The following SYT16 variants were observed in gnomAD, a reference collection of about 807,000 sequenced individuals.
The protein encoded by SYT16 is synaptotagmin-16.
In SYT16, 42 loss-of-function variants were observed where a neutral mutation model predicts 61.4. That is an observed-to-expected ratio of 0.68 (90% CI 0.53 to 0.89). The LOEUF is 0.89. Ranked by LOEUF, SYT16 falls within the 40% of genes least tolerant of loss-of-function variation. The pLI, the probability that SYT16 is intolerant of heterozygous loss-of-function variation, is 0.00. For missense variants in SYT16, 804 were observed against 807.3 expected, an observed-to-expected ratio of 1.00 and a Z score of 0.05; for synonymous variants, 314 against 302.3, an observed-to-expected ratio of 1.04 and a Z score of -0.40.
intron 2 of SYT16, among the ~76,000 whole-genome samples, chr14:61,985,598 C>G (rs1405564211): frequency 2.0e-5 from 3 of 152,112 alleles, no homozygotes; most frequent in African/African-American, 7.2e-5. Flanking sequence ...AGAAGTGAAA[C>G]TGGGAAATAG....
chr14:62,098,023 A>AGTGTTTTCACACCTGAAGT (rs1193518292), intron 7 of SYT16, among the ~76,000 whole-genome samples: 2 of 152,240 alleles, frequency 1.3e-5, no homozygotes, highest in African/African-American at 4.8e-5. Flanking sequence ...GAGACAGAGA[A>AGTGTTTTCACACCTGAAGT]GTGTTTTCAC....
chr14:61,867,969 T>G (rs995591866), intron 1 of SYT16, among the ~76,000 whole-genome samples: 1 of 152,056 alleles, frequency 6.6e-6, no homozygotes, highest in Non-Finnish European at 1.5e-5. Flanking sequence ...TTACATTGAG[T>G]TTTGAATGTT....
intron 3 of SYT16, among the ~76,000 whole-genome samples, chr14:62,049,117 CT>C (rs1177428107): frequency 6.6e-6 from 1 of 152,144 alleles, no homozygotes; most frequent in African/African-American, 2.4e-5. Flanking sequence ...GTCTAAGTCT[CT>C]TTTTATGTCA....
At chr14:62,044,444 C>T (rs2054879275) in intron 3 of SYT16, among the ~76,000 whole-genome samples, 1 of 152,066 alleles carries the variant, frequency 6.6e-6, no homozygotes, top group Admixed American at 6.5e-5. Context: ...AATGTTCTCC[C>T]TCCCCTTGCC....
intron 1 of SYT16, among the ~76,000 whole-genome samples, chr14:61,846,479 C>G (rs1000875995): frequency 1.3e-5 from 2 of 152,096 alleles, no homozygotes; most frequent in African/African-American, 4.8e-5. Flanking sequence ...TATAGTGATT[C>G]CTGCTCTTTT....
intron 1 of SYT16, among the ~76,000 whole-genome samples, chr14:61,932,921 C>T (rs573668998): frequency 6.6e-6 from 1 of 152,262 alleles, no homozygotes; most frequent in African/African-American, 2.4e-5. Flanking sequence ...CTGCCCAGTC[C>T]AGTATAGTTG....
At chr14:61,839,809 A>G (rs1336807062) in intron 1 of SYT16, among the ~76,000 whole-genome samples, 1 of 151,014 alleles carries the variant, frequency 6.6e-6, no homozygotes, top group Non-Finnish European at 1.5e-5. Context: ...GAAATGTGCC[A>G]GTTCCTCAGG....
At chr14:62,038,951 C>T (rs983304139) in intron 3 of SYT16, among the ~76,000 whole-genome samples, 2 of 152,156 alleles carry the variant, frequency 1.3e-5, no homozygotes, top group African/African-American at 2.4e-5. Context: ...TTTTGCTTGT[C>T]ACAACAACTT....
At chr14:62,047,158 G>C (rs1435440976) in intron 3 of SYT16, among the ~76,000 whole-genome samples, 2 of 152,048 alleles carry the variant, frequency 1.3e-5, no homozygotes, top group Non-Finnish European at 2.9e-5. Flanking sequence ...ATTGAGCAGT[G>C]GTTTGTAGTT....
At chr14:62,050,609 A>C (rs1435388945) in intron 3 of SYT16, among the ~76,000 whole-genome samples, 2 of 151,850 alleles carry the variant, frequency 1.3e-5, no homozygotes, top group Non-Finnish European at 2.9e-5. Flanking sequence ...GGTTTTATCT[A>C]CCTTTGGTCT....
intron 2 of SYT16, among the ~76,000 whole-genome samples, chr14:61,985,443 C>A (rs1038425288): frequency 2.0e-5 from 3 of 152,100 alleles, no homozygotes; most frequent in Admixed American, 6.6e-5. Context: ...GAATGGTTTT[C>A]TGCCTATCAA....
chr14:62,030,633 G>A (rs1035109867), intron 3 of SYT16, among the ~76,000 whole-genome samples: 1 of 152,178 alleles, frequency 6.6e-6, no homozygotes, highest in Non-Finnish European at 1.5e-5. Flanking sequence ...ATGTAGCTCT[G>A]ATCAGTCTGC....
intron 1 of SYT16, among the ~76,000 whole-genome samples, chr14:61,921,574 A>G (rs2049336247): frequency 6.6e-6 from 1 of 152,208 alleles, no homozygotes; most frequent in Non-Finnish European, 1.5e-5. Flanking sequence ...TTAGAGGTCT[A>G]TATTCCATAT....
intron 3 of SYT16, among the ~76,000 whole-genome samples, chr14:62,017,687 C>T (rs895264791): frequency 2.0e-5 from 3 of 151,636 alleles, no homozygotes; most frequent in African/African-American, 7.3e-5. Context: ...TCACTGCTAT[C>T]GTGGTGCTTT....
At chr14:62,021,188 A>G (rs1223981660) in intron 3 of SYT16, among the ~76,000 whole-genome samples, 2 of 152,194 alleles carry the variant, frequency 1.3e-5, no homozygotes, top group African/African-American at 4.8e-5. Context: ...TTTTACGGTC[A>G]CAATCACTCC....
chr14:61,814,873 G>GT lies in SYT16; in HGVS notation c.-325+2066dup, dbSNP rs1375910202. ...AAAATTTCCCGCAAAGCTTGACCATGTTTGCAGCCCGAAGTCCTACAACCT... is the reference window on the plus strand; with the variant it reads ...AAAATTTCCCGCAAAGCTTGACCATGTTTTGCAGCCCGAAGTCCTACAACCT... On this transcript the variant is annotated intron_variant, in intron 1 of 7. Coordinates refer to ENST00000683842, the MANE Select transcript of SYT16 (RefSeq NM_001367656.1). Among the ~76,000 whole-genome samples, 18 of 152,314 alleles carry GT rather than the reference G, an allele frequency of 1.2e-4. No homozygotes were observed. The South Asian group carries it at 3.7e-3, about 32-fold the overall frequency.
At position 61,999,072 on chromosome 14, in the gene SYT16, C is replaced by T. The variant is rs981883824; in HGVS notation, c.523+2530C>T. ...GTTAGTCTTTGCTAAAGATTTTTTT[C>T]CATTTTTTTTTTAGGGATATTGGTC... On this transcript the variant is annotated intron_variant, in intron 3 of 7. Transcript: ENST00000683842. Among the ~76,000 whole-genome samples the T allele has an allele frequency of 5.3e-5, 8 of 151,232 alleles. No homozygotes were observed. In the South Asian group the frequency reaches 1.7e-3, roughly 32 times the overall value.
intron 3 of SYT16, among the ~76,000 whole-genome samples, chr14:62,020,312 CTG>C (rs2053861391): frequency 6.6e-6 from 1 of 152,120 alleles, no homozygotes; most frequent in African/African-American, 2.4e-5. Flanking sequence ...AAGTTTACTA[CTG>C]TGTGTGTATA....
intron 3 of SYT16, among the ~76,000 whole-genome samples, chr14:62,042,743 T>C (rs1399994370): frequency 2.0e-5 from 3 of 152,240 alleles, no homozygotes; most frequent in Non-Finnish European, 4.4e-5. Flanking sequence ...TTTAATACTG[T>C]TTCTGTGAGC....
Sources: gnomAD v4.1 joint callset for allele counts (sites outside exome capture counted in the v4.1 genomes callset) on GRCh38, gnomAD v4.1.1 for gene constraint, MANE v1.5 for transcripts, NCBI Gene and HGNC (gene_info 2026-07-23, HGNC 2026-07-21) for gene names.